The following RNF34 variants were observed in gnomAD, a reference collection of about 807,000 sequenced individuals.
RNF34 encodes the protein E3 ubiquitin-protein ligase RNF34.
A neutral mutation model predicts 37.9 loss-of-function variants in RNF34; 12 were observed. The ratio of observed to expected loss-of-function variants is 0.32; its 90% CI spans 0.20 to 0.51. The LOEUF is 0.51. Among genes scored for constraint, RNF34 ranks in the 20% least tolerant of loss-of-function variants. The pLI is 0.97. For missense variants in RNF34, 362 were observed against 472.7 expected (o/e 0.77, Z 2.17); for synonymous variants, 155 against 177.2 (o/e 0.87, Z 1.00).
At chr12:121,408,965 C>CA (rs782547969) in intron 1 of RNF34, among the ~76,000 whole-genome samples, 16 of 151,982 alleles carry the variant, frequency 1.1e-4, no homozygotes, top group Non-Finnish European at 2.4e-4. Context: ...GTTAAAAACT[C>CA]AGGTGACCCT....
chr12:121,422,950 G>C (rs1296119261), intron 5 of RNF34, among the ~76,000 whole-genome samples: 1 of 152,152 alleles, frequency 6.6e-6, no homozygotes, highest in Non-Finnish European at 1.5e-5. Flanking sequence ...ACTGAGATGA[G>C]GCTCCAGAGA....
At chr12:121,405,788 T>C (rs1249790016) in intron 1 of RNF34, among the ~76,000 whole-genome samples, 5 of 149,298 alleles carry the variant, frequency 3.3e-5, no homozygotes, top group Non-Finnish European at 7.4e-5. Context: ...CCGGCCTCTG[T>C]CTTATTTCTT....
chr12:121,406,326 C>G (rs555555558), intron 1 of RNF34, among the ~76,000 whole-genome samples: 2 of 110,522 alleles, frequency 1.8e-5, no homozygotes, highest in Admixed American at 8.6e-5. Context: ...CTTGCTGTGT[C>G]GCCCAGGCTG....
Position 121,417,114 on chromosome 12 carries a change from T to C in RNF34, c.226-390T>C, listed in dbSNP as rs1253561613. Among the ~76,000 whole-genome samples, 2 of 152,248 alleles carry C rather than the reference T, an allele frequency of 1.3e-5. No homozygotes were observed. Among genetic ancestry groups the C allele is most frequent in the Non-Finnish European group, 2.9e-5 (2 of 68,044 alleles). ...TTTCTCTTTCCCTGTCAGTCTGTTA[T>C]GCTTTTTGTCTCCTGCTCTTTAAAT... On this transcript the variant is annotated intron_variant, in intron 2 of 5. Transcript: ENST00000361234. This position sits in a 1 kb window ranked among gnomAD's most constrained non-coding sequence, Gnocchi z 5.0.
chr12:121,416,710 T>C (rs1469855345), intron 2 of RNF34: 1 of 212,190 alleles, frequency 4.7e-6, no homozygotes, highest in Non-Finnish European at 9.6e-6. Context: ...ATGATTCAGA[T>C]TCAAGTTTCA....
chr12:121,420,392 G>A, intron 4 of RNF34, 58 bp downstream of exon 4: 1 of 1,553,804 alleles, frequency 6.4e-7, no homozygotes, highest in Admixed American at 2.0e-5. Context: ...GGAAGGGACA[G>A]TGCCCTGTGG....
chr12:121,417,837 T>C lies in RNF34; in HGVS notation c.559T>C (p.Ser187Pro). ...GTTTTTTTCAAACTATACAGCCCCC[T>C]CTGCTACTATGTCTTCGTTTCAGGG... ...RSFFSNYTAP[S>P]ATMSSFQGEL... The change falls in exon 3 of 6, where the codon TCT (serine) becomes CCT (proline). Residue 187 changes from serine (S) to proline (P), a missense_variant. By Grantham distance (74) the Ser-to-Pro change is moderately conservative. Transcript: ENST00000361234. The surrounding 1 kb of genome is among the most constrained non-coding windows in gnomAD (Gnocchi z 5.0). The C allele has an allele frequency of 1.9e-6, 3 of 1,614,146 alleles. No individual in the cohort carries two copies. Among genetic ancestry groups the C allele is most frequent in the Non-Finnish European group, 2.5e-6 (3 of 1,180,026 alleles).
chr12:121,412,850 A>G (rs77970809), intron 1 of RNF34, among the ~76,000 whole-genome samples: 28,722 of 147,968 alleles, frequency 0.19, 4,228 homozygotes, highest in African/African-American at 0.42. Flanking sequence ...TTAGCCTCCC[A>G]AGTAGCTGGG....
chr12:121,402,893 T>TC, intron 1 of RNF34: 1 of 1,032,590 alleles, frequency 9.7e-7, no homozygotes. Context: ...ATTTTAGAGT[T>TC]CATCATCTGT....
At position 121,423,702 on chromosome 12, in the gene RNF34, T is replaced by A; in HGVS notation, c.*126T>A. On this transcript the variant is annotated 3_prime_UTR_variant, in exon 6 of 6. Transcript: ENST00000361234. This position sits in a 1 kb window ranked among gnomAD's most constrained non-coding sequence, Gnocchi z 4.3. ...TTAAAACATTATTTTGACTACTAAG[T>A]GGGGACAGAAAGATCCATCCTGAGT... 2 of 822,744 alleles carry A rather than the reference T, an allele frequency of 2.4e-6. No homozygotes were observed. The highest frequency in any genetic ancestry group is 3.8e-6 in the Non-Finnish European group (2 of 528,024). 51.0% of individuals were successfully genotyped at this position (822,744 alleles called of 1,614,324 possible). A position where few individuals can be genotyped will look rare whatever the true frequency, so the allele number is the denominator to read the frequency against.
At chr12:121,401,158 A>G (rs1191401698) in intron 1 of RNF34, among the ~76,000 whole-genome samples, 1 of 152,076 alleles carries the variant, frequency 6.6e-6, no homozygotes, top group African/African-American at 2.4e-5. Flanking sequence ...ACTATAGAAG[A>G]TTGAAAAAGA....
At position 121,423,309 on chromosome 12, in the gene RNF34, T is replaced by C; in HGVS notation, c.929-77T>C. 1 of 1,221,268 alleles carries C rather than the reference T, an allele frequency of 8.2e-7. No individual in the cohort carries two copies. Among genetic ancestry groups the C allele is most frequent in the Non-Finnish European group, 1.1e-6 (1 of 874,420 alleles). 75.7% of individuals were successfully genotyped at this position (1,221,268 alleles called of 1,614,324 possible). A position where few individuals can be genotyped will look rare whatever the true frequency, so the allele number is the denominator to read the frequency against. Reference sequence around the variant, plus strand: ...CAGGGGTCATTCAGCAGGTGGCTGCTCAGCTTCGGACTGGGAGGGTGGCTG... The same window carrying C: ...CAGGGGTCATTCAGCAGGTGGCTGCCCAGCTTCGGACTGGGAGGGTGGCTG... On this transcript the variant is annotated intron_variant, in intron 5 of 5. Transcript: ENST00000361234. The surrounding 1 kb of genome is among the most constrained non-coding windows in gnomAD (Gnocchi z 4.3).
At chr12:121,408,398 T>C (rs1870748824) in intron 1 of RNF34, among the ~76,000 whole-genome samples, 1 of 151,978 alleles carries the variant, frequency 6.6e-6, no homozygotes, top group South Asian at 2.1e-4. Context: ...GCCAAGATCA[T>C]ACCACCGCAC....
chr12:121,413,302 C>T (rs1555281615), intron 1 of RNF34, among the ~76,000 whole-genome samples: 1 of 152,208 alleles, frequency 6.6e-6, no homozygotes, highest in Non-Finnish European at 1.5e-5. Context: ...GCTGGGATTA[C>T]AGGCATAAGC....
At position 121,420,338 on chromosome 12, in the gene RNF34, A is replaced by G. The variant is rs1555283089; in HGVS notation, c.726+4A>G. ...AGAAGAAAACGCAGAGGATCGGGTG[A>G]GGCCACCTATAAAATTTGGTTTCCC... is the stretch of plus-strand genomic sequence containing the variant. On this transcript the variant is annotated splice_donor_region_variant and intron_variant, in intron 4 of 5. Coordinates refer to ENST00000361234, the MANE Select transcript of RNF34 (RefSeq NM_025126.4). 6.4e-7 allele frequency: 1 copy of G among 1,559,036 alleles called. No homozygotes were observed. Among genetic ancestry groups the G allele is most frequent in the Admixed American group, 1.9e-5 (1 of 51,590 alleles).
At chr12:121,418,011 G>A in intron 3 of RNF34, 100 bp downstream of exon 3, 1 of 1,269,792 alleles carries the variant, frequency 7.9e-7, no homozygotes, top group Non-Finnish European at 1.1e-6. Context: ...TAAACTTCAA[G>A]TCATGTGCTG....
rs534447804 is a variant in RNF34 at position 121,404,531 on chromosome 12, T to G, written c.6+4313T>G. ...CCTCCTGTGTAGCTGGGACTACAGTTGTGCACCACCACACCCAGCTAATTT... is the reference window on the plus strand; with the variant it reads ...CCTCCTGTGTAGCTGGGACTACAGTGGTGCACCACCACACCCAGCTAATTT... On this transcript the variant is annotated intron_variant, in intron 1 of 5. Transcript: ENST00000361234. 2.0e-5 allele frequency among the ~76,000 whole-genome samples: 3 copies of G among 151,694 alleles called. No individual in the cohort carries two copies. The South Asian group carries it at 6.2e-4, about 32-fold the overall frequency.
intron 1 of RNF34, among the ~76,000 whole-genome samples, chr12:121,414,669 CTGT>C (rs199659743): frequency 0.021 from 3,138 of 152,172 alleles, 118 homozygotes; most frequent in African/African-American, 0.071. Context: ...AAATACTTTC[CTGT>C]TGTTGTTGTT....
intron 1 of RNF34, among the ~76,000 whole-genome samples, chr12:121,402,577 G>A (rs921075754): frequency 6.6e-6 from 1 of 151,634 alleles, no homozygotes; most frequent in Non-Finnish European, 1.5e-5. Flanking sequence ...AATCCAAATT[G>A]GTGCCCTGTG....
Sources: allele counts gnomAD v4.1 joint callset (sites outside exome capture counted in the v4.1 genomes callset), GRCh38; gene constraint gnomAD v4.1.1; non-coding constraint Gnocchi (gnomAD v3.1); transcripts MANE v1.5; gene names NCBI Gene and HGNC (gene_info 2026-07-23, HGNC 2026-07-21).